TYW1B: variants seen among roughly 807,000 people sequenced by gnomAD.
The protein encoded by TYW1B is S-adenosyl-L-methionine-dependent tRNA 4-demethylwyosine synthase TYW1B.
In TYW1B, 73 loss-of-function variants were observed where a neutral mutation model predicts 86.9. The observed-to-expected ratio is 0.84, with a 90% CI of 0.70 to 1.02. The LOEUF is 1.02. TYW1B is among the 50% of genes least tolerant of loss of function. TYW1B has a pLI of 0.00. For synonymous variants in TYW1B, 248 were observed against 292.8 expected, an observed-to-expected ratio of 0.85 and a Z score of 1.56; for missense variants, 637 against 827.4, an observed-to-expected ratio of 0.77 and a Z score of 2.82.
intron 2 of TYW1B, among the ~76,000 whole-genome samples, chr7:72,824,407 C>A (rs1242648542): frequency 6.6e-6 from 1 of 152,020 alleles, no homozygotes. Context: ...CAAGACCAGC[C>A]TGGACAAGAT....
intron 9 of TYW1B, among the ~76,000 whole-genome samples, chr7:72,726,067 C>G (rs1786993154): frequency 6.6e-6 from 1 of 152,120 alleles, no homozygotes; most frequent in Admixed American, 6.6e-5. Context: ...CTAGGAAAAG[C>G]CAGTCAAATT....
At chr7:72,763,352 G>T (rs1439852797) in intron 7 of TYW1B, among the ~76,000 whole-genome samples, 2 of 143,076 alleles carry the variant, frequency 1.4e-5, no homozygotes, top group Non-Finnish European at 3.0e-5. Flanking sequence ...GCGTAGTCTC[G>T]GCTCACTGCA....
At chr7:72,813,503 G>A (rs1193192787) in intron 3 of TYW1B, among the ~76,000 whole-genome samples, 2 of 152,052 alleles carry the variant, frequency 1.3e-5, no homozygotes, top group African/African-American at 2.4e-5. Flanking sequence ...CTCTACCTGC[G>A]TCAGCATCAC....
intron 9 of TYW1B, among the ~76,000 whole-genome samples, chr7:72,716,998 C>T (rs1554456242): frequency 6.6e-6 from 1 of 151,676 alleles, no homozygotes; most frequent in Non-Finnish European, 1.5e-5. Context: ...ACCACAGTTG[C>T]TTGTAAAAAG....
intron 7 of TYW1B, among the ~76,000 whole-genome samples, chr7:72,748,066 C>A (rs1450856344): frequency 6.6e-6 from 1 of 152,032 alleles, no homozygotes; most frequent in Non-Finnish European, 1.5e-5. Context: ...GTCAGGAGAT[C>A]GAGACCGTCC....
chr7:72,717,347 A>G (rs1284152544), intron 9 of TYW1B, among the ~76,000 whole-genome samples: 1 of 151,784 alleles, frequency 6.6e-6, no homozygotes, highest in Non-Finnish European at 1.5e-5. Flanking sequence ...ATTTTCACTT[A>G]GTACCTCCCC....
At chr7:72,668,783 T>C (rs1304354580) in intron 11 of TYW1B, among the ~76,000 whole-genome samples, 2 of 152,202 alleles carry the variant, frequency 1.3e-5, no homozygotes, top group African/African-American at 2.4e-5. Flanking sequence ...GCCAGATGAA[T>C]AAAGTATGCA....
intron 7 of TYW1B, among the ~76,000 whole-genome samples, chr7:72,759,331 T>C (rs1473141890): frequency 6.6e-6 from 1 of 151,882 alleles, no homozygotes; most frequent in Non-Finnish European, 1.5e-5. Flanking sequence ...TGAGACTCCA[T>C]CTCAAAATTT....
At chr7:72,670,839 G>A (rs1156424662) in intron 11 of TYW1B, among the ~76,000 whole-genome samples, 4 of 152,132 alleles carry the variant, frequency 2.6e-5, no homozygotes, top group Admixed American at 1.3e-4. Flanking sequence ...GCCATTACTA[G>A]TCTAAGACTT....
Position 72,607,707 on chromosome 7 carries a change from C to T in TYW1B, c.1785+8965G>A, listed in dbSNP as rs1195941673. 2.6e-5 allele frequency among the ~76,000 whole-genome samples: 4 copies of T among 151,378 alleles called. No individual in the cohort carries two copies. The East Asian group carries it at 7.7e-4, about 29-fold the overall frequency. On this transcript the variant is annotated intron_variant, in intron 13 of 13. Coordinates refer to ENST00000620995, the MANE Select transcript of TYW1B (RefSeq NM_001145440.3). ...AACAAAGCCTCAGATACCTGTGGGA[C>T]CATAACAAAAAAAAAATCTAACATT...
chr7:72,694,595 A>T, intron 11 of TYW1B, 92 bp downstream of exon 11: 1 of 1,350,910 alleles, frequency 7.4e-7, no homozygotes, highest in Non-Finnish European at 9.6e-7. Flanking sequence ...AGGAAAAAGT[A>T]CCTCTGTTCT....
rs1294051741 is a variant in TYW1B, at chr7:72,725,260, G to C, written c.1192+3562C>G. On this transcript the variant is annotated intron_variant, in intron 9 of 13. Transcript: ENST00000620995. ...CTATCCAAACTCAGATCGTCATTCTGTAGGAAGGACATCCCAGCAGAAAGA... is the reference window on the plus strand; with the variant it reads ...CTATCCAAACTCAGATCGTCATTCTCTAGGAAGGACATCCCAGCAGAAAGA... Among the ~76,000 whole-genome samples, 16 of 152,222 alleles carry C rather than the reference G, an allele frequency of 1.1e-4. No homozygotes were observed. The South Asian group carries it at 3.1e-3, about 30-fold the overall frequency.
At chr7:72,657,829 T>G (rs1468187398) in intron 11 of TYW1B, among the ~76,000 whole-genome samples, 1 of 152,138 alleles carries the variant, frequency 6.6e-6, no homozygotes, top group Non-Finnish European at 1.5e-5. Context: ...ACAAGAAATG[T>G]TTAAGGGAGT....
chr7:72,616,906 A>G (rs1812091182), intron 12 of TYW1B, 67 bp from the exon 13 acceptor site: 4 of 1,588,780 alleles, frequency 2.5e-6, no homozygotes, highest in Admixed American at 3.5e-5. Context: ...AGACTTTCAG[A>G]GCCGGAAAGC....
chr7:72,593,564 T>C (rs1188830428), intron 13 of TYW1B, among the ~76,000 whole-genome samples: 9 of 152,112 alleles, frequency 5.9e-5, no homozygotes, highest in Non-Finnish European at 1.0e-4. Context: ...TGCTCAGGCC[T>C]GTAATCCCAG....
At chr7:72,637,498 A>G (rs1812698457) in intron 11 of TYW1B, among the ~76,000 whole-genome samples, 2 of 151,996 alleles carry the variant, frequency 1.3e-5, no homozygotes, top group South Asian at 4.1e-4. Flanking sequence ...TTCTAACATT[A>G]CTTATTTGTA....
At chr7:72,715,084 C>T (rs1554455561) in intron 9 of TYW1B, among the ~76,000 whole-genome samples, 1 of 152,112 alleles carries the variant, frequency 6.6e-6, no homozygotes, top group Non-Finnish European at 1.5e-5. Flanking sequence ...AACCTGTCTG[C>T]ACATTGGAAT....
intron 7 of TYW1B, among the ~76,000 whole-genome samples, chr7:72,753,866 A>G (rs1386732321): frequency 6.6e-6 from 1 of 152,176 alleles, no homozygotes; most frequent in African/African-American, 2.4e-5. Context: ...GCTATTGCAT[A>G]CTTAACAGAC....
chr7:72,743,529 C>T (rs1234872147), intron 8 of TYW1B, among the ~76,000 whole-genome samples: 1 of 151,996 alleles, frequency 6.6e-6, no homozygotes, highest in African/African-American at 2.4e-5. Flanking sequence ...GAAGAGTAAG[C>T]AGTTGTAAGT....
Sources: allele counts gnomAD v4.1 joint callset (sites outside exome capture counted in the v4.1 genomes callset), GRCh38; gene constraint gnomAD v4.1.1; transcripts MANE v1.5; gene names NCBI Gene and HGNC (gene_info 2026-07-23, HGNC 2026-07-21).